Variants in LRP6 observed in about 807,000 individuals in gnomAD.
The protein encoded by LRP6 is LDL receptor related protein 6, also known as low-density lipoprotein receptor-related protein 6.
Under a neutral mutation model 184.1 loss-of-function variants are expected in LRP6, and 43 were observed. The ratio of observed to expected loss-of-function variants is 0.23; its 90% confidence interval spans 0.18 to 0.30. LRP6 has a LOEUF of 0.30. Ranked by LOEUF, LRP6 falls within the 10% of genes least tolerant of loss-of-function variation. LRP6 has a pLI of 1.00. For missense variants in LRP6, 1,571 were observed against 2,005.3 expected, an observed-to-expected ratio of 0.78 and a Z score of 4.14; for synonymous variants, 719 against 684.9, an observed-to-expected ratio of 1.05 and a Z score of -0.78.
intron 2 of LRP6, among the ~76,000 whole-genome samples, chr12:12,217,135 G>A (rs1186120655): frequency 1.1e-4 from 16 of 152,272 alleles, no homozygotes; most frequent in Admixed American, 7.2e-4. Flanking sequence ...TGAGCAACAG[G>A]CAAGTGAGCA....
At chr12:12,150,124 T>G (rs895154832) in intron 13 of LRP6, among the ~76,000 whole-genome samples, 1 of 151,346 alleles carries the variant, frequency 6.6e-6, no homozygotes, top group African/African-American at 2.4e-5. Context: ...AACAAGTAAT[T>G]ATTTATAGTA....
intron 4 of LRP6, among the ~76,000 whole-genome samples, chr12:12,184,409 C>CAAACA (rs1555113239): frequency 6.6e-6 from 1 of 151,614 alleles, no homozygotes; most frequent in African/African-American, 2.4e-5. Context: ...AACAAACAAA[C>CAAACA]AAAACCAATA....
chr12:12,183,793 T>C (rs551264601), intron 5 of LRP6, among the ~76,000 whole-genome samples, 187 bp downstream of exon 5: 1 of 152,332 alleles, frequency 6.6e-6, no homozygotes, highest in African/African-American at 2.4e-5. Context: ...TAAAATAATT[T>C]ATAAAATAGC....
rs549098628 is a variant in LRP6 at position 12,146,594 on chromosome 12, C to T, written c.3397+772G>A. 7.9e-4 allele frequency among the ~76,000 whole-genome samples: 121 copies of T among 152,238 alleles called. 2 individuals carry two copies. The highest frequency in any genetic ancestry group is 6.4e-3 in the South Asian group (31 of 4,816). ...TTGGTTAAAATACCAGAAAGGTAAA[C>T]GCCACGATGAGGTTGTGAAAGGTGA... is the stretch of plus-strand genomic sequence containing the variant. On this transcript the variant is annotated intron_variant, in intron 15 of 22. Transcript: ENST00000261349.
At chr12:12,197,323 A>G (rs1207931833) in intron 3 of LRP6, among the ~76,000 whole-genome samples, 1 of 152,168 alleles carries the variant, frequency 6.6e-6, no homozygotes, top group Non-Finnish European at 1.5e-5. Context: ...TAGAATCAGC[A>G]ATTTTGCCAG....
chr12:12,177,523 G>A (rs1055693011), intron 7 of LRP6, among the ~76,000 whole-genome samples: 2 of 152,068 alleles, frequency 1.3e-5, no homozygotes, highest in Admixed American at 6.6e-5. Context: ...TTTTCTCCCC[G>A]AGTTATGCAG....
At chr12:12,137,780 G>A (rs1029274375) in intron 16 of LRP6, among the ~76,000 whole-genome samples, 2 of 151,956 alleles carry the variant, frequency 1.3e-5, no homozygotes, top group Non-Finnish European at 2.9e-5. Context: ...TTTTTTAACA[G>A]GCAAGACCCA....
intron 2 of LRP6, among the ~76,000 whole-genome samples, chr12:12,243,024 T>C (rs1031577209): frequency 2.0e-5 from 3 of 152,232 alleles, no homozygotes; most frequent in African/African-American, 7.2e-5. Context: ...CTAATACAAC[T>C]GAAAGCTAAA....
intron 3 of LRP6, among the ~76,000 whole-genome samples, chr12:12,200,044 T>G (rs1863875514): frequency 6.6e-6 from 1 of 150,878 alleles, no homozygotes; most frequent in Non-Finnish European, 1.5e-5. Context: ...TTGCTCCAAT[T>G]TGTACATCAG....
At chr12:12,153,043 C>A (rs1376701489) in intron 12 of LRP6, among the ~76,000 whole-genome samples, 1 of 152,220 alleles carries the variant, frequency 6.6e-6, no homozygotes, top group Admixed American at 6.5e-5. Context: ...ATTGATTTAA[C>A]AACTTTTAGC....
At chr12:12,161,523 G>A (rs1472556177) in intron 10 of LRP6, among the ~76,000 whole-genome samples, 1 of 152,152 alleles carries the variant, frequency 6.6e-6, no homozygotes, top group South Asian at 2.1e-4. Context: ...CCACGCCTCG[G>A]CCTCCCAAAG....
At chr12:12,203,446 A>G (rs1171656179) in intron 2 of LRP6, 46 bp from the exon 3 acceptor site, 1 of 1,426,724 alleles carries the variant, frequency 7.0e-7, no homozygotes, top group Admixed American at 1.7e-5. Context: ...GCAGATATCA[A>G]TCAAATACTC....
chr12:12,237,384 C>T (rs1195963441), intron 2 of LRP6, among the ~76,000 whole-genome samples: 1 of 152,102 alleles, frequency 6.6e-6, no homozygotes, highest in Non-Finnish European at 1.5e-5. Flanking sequence ...CTAGAAAAAT[C>T]GCTATTTGGC....
chr12:12,254,842 T>C (rs1327937978), intron 1 of LRP6, among the ~76,000 whole-genome samples: 1 of 152,172 alleles, frequency 6.6e-6, no homozygotes, highest in Non-Finnish European at 1.5e-5. Context: ...TCAAAAATCC[T>C]AGAATATTTT....
chr12:12,252,769 C>A (rs775435847), intron 1 of LRP6, among the ~76,000 whole-genome samples: 1 of 152,150 alleles, frequency 6.6e-6, no homozygotes, highest in Non-Finnish European at 1.5e-5. Context: ...AAGTTAACGA[C>A]CTACTCCAGA....
At chr12:12,155,396 G>A in intron 12 of LRP6, 1 of 805,558 alleles carries the variant, frequency 1.2e-6, no homozygotes, top group South Asian at 1.3e-5. Context: ...TCAAGGGAAT[G>A]GGTACTGTTC....
chr12:12,175,004 C>G (rs984421616), intron 7 of LRP6, among the ~76,000 whole-genome samples: 2 of 152,198 alleles, frequency 1.3e-5, no homozygotes, highest in African/African-American at 4.8e-5. Flanking sequence ...ATGAAAATCT[C>G]TCTTTTTATC....
chr12:12,180,485 T>C (rs775538514), intron 6 of LRP6, among the ~76,000 whole-genome samples: 2 of 152,122 alleles, frequency 1.3e-5, no homozygotes, highest in Non-Finnish European at 2.9e-5. Flanking sequence ...TCACTATGCT[T>C]GTCCTCAGAA....
chr12:12,183,495 A>AT (rs571444869), intron 5 of LRP6, among the ~76,000 whole-genome samples: 17 of 152,088 alleles, frequency 1.1e-4, no homozygotes, highest in African/African-American at 3.1e-4. Flanking sequence ...TTAAATATGG[A>AT]TTTTTTTTCC....
Sources: allele counts gnomAD v4.1 joint callset (sites outside exome capture counted in the v4.1 genomes callset), GRCh38; gene constraint gnomAD v4.1.1; transcripts MANE v1.5; gene names NCBI Gene and HGNC (gene_info 2026-07-23, HGNC 2026-07-21).